The following SIL1 variants were observed in gnomAD, a reference collection of about 807,000 sequenced individuals.
SIL1 encodes SIL1 nucleotide exchange factor.
Under a neutral mutation model 49.1 loss-of-function variants are expected in SIL1, and 40 were observed. The ratio of observed to expected loss-of-function variants is 0.81; its 90% CI spans 0.63 to 1.06. The LOEUF (loss-of-function observed/expected upper bound fraction) is 1.06, where lower values mean the gene tolerates loss of function less well. Ranked by LOEUF, SIL1 falls within the 50% of genes least tolerant of loss-of-function variation. SIL1 has a pLI of 0.00. For synonymous variants in SIL1, 253 were observed against 250.8 expected (o/e 1.01, Z -0.08); for missense variants, 500 against 572.6 (o/e 0.87, Z 1.29).
At chr5:139,032,379 G>A (rs1768812588) in intron 5 of SIL1, among the ~76,000 whole-genome samples, 1 of 152,108 alleles carries the variant, frequency 6.6e-6, no homozygotes, top group Non-Finnish European at 1.5e-5. Flanking sequence ...ATTATTTTTT[G>A]TACACTGAAC....
At chr5:139,146,287 T>C (rs1751195461) in intron 1 of SIL1, among the ~76,000 whole-genome samples, 1 of 152,198 alleles carries the variant, frequency 6.6e-6, no homozygotes, top group Admixed American at 6.5e-5. Context: ...CCAGGAATGG[T>C]GGCTCACACC....
chr5:139,129,517 A>T (rs1046115058), intron 1 of SIL1, among the ~76,000 whole-genome samples: 18 of 152,098 alleles, frequency 1.2e-4, no homozygotes, highest in Non-Finnish European at 2.1e-4. Context: ...CTAAAAACAC[A>T]AAAAATTAGC....
At chr5:139,063,672 G>A (rs563307545) in intron 3 of SIL1, among the ~76,000 whole-genome samples, 8 of 152,204 alleles carry the variant, frequency 5.3e-5, no homozygotes, top group Non-Finnish European at 1.2e-4. Context: ...GGAAGTGAAG[G>A]AGTTAAATGT....
intron 3 of SIL1, among the ~76,000 whole-genome samples, chr5:139,112,932 C>T (rs1770900780): frequency 6.6e-6 from 1 of 152,234 alleles, no homozygotes; most frequent in Non-Finnish European, 1.5e-5. Flanking sequence ...ACATAGGAGA[C>T]TCCATTTTGT....
At chr5:139,020,655 T>C (rs1044604358) in intron 7 of SIL1, among the ~76,000 whole-genome samples, 1 of 152,208 alleles carries the variant, frequency 6.6e-6, no homozygotes, top group Admixed American at 6.5e-5. Flanking sequence ...CCACTCCTCT[T>C]GCCTTATCAG....
chr5:138,953,399 A>G (rs1221406224), intron 7 of SIL1: 1 of 152,284 alleles, frequency 6.6e-6, no homozygotes, highest in African/African-American at 2.4e-5. Context: ...ATAGCTCCCC[A>G]CTTCTATTCT....
chr5:139,073,276 A>G (rs1424535301), intron 3 of SIL1, among the ~76,000 whole-genome samples: 1 of 152,240 alleles, frequency 6.6e-6, no homozygotes, highest in Non-Finnish European at 1.5e-5. Flanking sequence ...CGTTATTCAC[A>G]ATAGCCAAGA....
At chr5:139,167,645 C>T (rs953013429) in intron 1 of SIL1, among the ~76,000 whole-genome samples, 2 of 152,148 alleles carry the variant, frequency 1.3e-5, no homozygotes, top group African/African-American at 4.8e-5. Flanking sequence ...CAGTAAGCTA[C>T]AGCTACATTT....
At chr5:139,131,183 T>C (rs191311376) in intron 1 of SIL1, among the ~76,000 whole-genome samples, 1 of 152,344 alleles carries the variant, frequency 6.6e-6, no homozygotes, top group East Asian at 1.9e-4. Flanking sequence ...TAAGAGGTTT[T>C]AATATTTATC....
intron 1 of SIL1, among the ~76,000 whole-genome samples, chr5:139,189,027 CAACT>C (rs1441819098): frequency 6.6e-6 from 1 of 152,100 alleles, no homozygotes; most frequent in Non-Finnish European, 1.5e-5. Flanking sequence ...TAATACAAAC[CAACT>C]AAGACAACAA....
chr5:138,947,988 C>T lies in SIL1; in HGVS notation c.1030-515G>A, dbSNP rs1025850139. ...GCCAATCCTGCCGGGCTACCAGCAG[C>T]GGGAAAGCCAACACCTGAACCATGA... is the stretch of plus-strand genomic sequence containing the variant. On this transcript the variant is annotated intron_variant, in intron 9 of 9. Transcript: ENST00000394817. This position sits in a 1 kb window ranked among gnomAD's most constrained non-coding sequence, Gnocchi z 4.1. Among the ~76,000 whole-genome samples, 1 of 152,116 alleles carries T rather than the reference C, an allele frequency of 6.6e-6. No homozygotes were observed. The highest frequency in any genetic ancestry group is 1.5e-5 in the Non-Finnish European group (1 of 68,034).
chr5:139,064,502 C>T (rs953224282), intron 3 of SIL1, among the ~76,000 whole-genome samples: 2 of 152,190 alleles, frequency 1.3e-5, no homozygotes, highest in Non-Finnish European at 2.9e-5. Context: ...GGGGAGCCCA[C>T]CCTCCTTAAA....
chr5:139,186,007 T>C (rs1459281908), intron 1 of SIL1, among the ~76,000 whole-genome samples: 1 of 152,226 alleles, frequency 6.6e-6, no homozygotes, highest in African/African-American at 2.4e-5. Context: ...CCCAGAGCTC[T>C]TTCTCAGAGA....
intron 3 of SIL1, among the ~76,000 whole-genome samples, chr5:139,051,363 CT>C (rs1769280295): frequency 1.3e-5 from 2 of 152,204 alleles, no homozygotes; most frequent in Admixed American, 1.3e-4. Context: ...CTAATAAAAG[CT>C]TTGTGTTACG....
chr5:139,011,673 T>C (rs1768275891), intron 7 of SIL1, among the ~76,000 whole-genome samples: 2 of 152,160 alleles, frequency 1.3e-5, no homozygotes, highest in East Asian at 3.9e-4. Flanking sequence ...GTTTCTGCTG[T>C]CTTTCACTCA....
chr5:139,078,666 T>TGCAC lies in SIL1; in HGVS notation c.245-27624_245-27621dup, dbSNP rs1770004558. ...AGTGGATAAAAAACCACTACCACAC[T>TGCAC]GCACACATCAAATGCCAGGCACGAG... is the stretch of plus-strand genomic sequence containing the variant. On this transcript the variant is annotated intron_variant, in intron 3 of 9. Coordinates refer to ENST00000394817, the MANE Select transcript of SIL1 (RefSeq NM_022464.5). Among the ~76,000 whole-genome samples, 6 of 152,370 alleles carry TGCAC rather than the reference T, an allele frequency of 3.9e-5. No individual in the cohort carries two copies. The South Asian group carries it at 1.2e-3, about 32-fold the overall frequency.
At chr5:139,031,492 T>C (rs1228817270) in intron 5 of SIL1, among the ~76,000 whole-genome samples, 1 of 152,232 alleles carries the variant, frequency 6.6e-6, no homozygotes, top group African/African-American at 2.4e-5. Flanking sequence ...TCTCCACCAA[T>C]ACCACATTGT....
chr5:139,143,318 CACACACACACACACACACACACACACAT>C (rs1751123082), intron 1 of SIL1, among the ~76,000 whole-genome samples: 1 of 79,936 alleles, frequency 1.3e-5, no homozygotes, highest in African/African-American at 4.1e-5. Flanking sequence ...CACACACACA[CACACACACACACACACACACACACACAT>C]ATATATATAT....
chr5:139,166,518 G>C (rs546241860), intron 1 of SIL1, among the ~76,000 whole-genome samples: 5 of 152,150 alleles, frequency 3.3e-5, no homozygotes, highest in Non-Finnish European at 5.9e-5. Context: ...AAAAATAGGC[G>C]TGGTGATGAG....
Sources: allele counts gnomAD v4.1 joint callset (sites outside exome capture counted in the v4.1 genomes callset), GRCh38; gene constraint gnomAD v4.1.1; non-coding constraint Gnocchi (gnomAD v3.1); transcripts MANE v1.5; gene names NCBI Gene and HGNC (gene_info 2026-07-23, HGNC 2026-07-21).